The following LIPI variants were observed in gnomAD, a reference collection of about 807,000 sequenced individuals.
LIPI encodes lipase member I.
In LIPI, 59 loss-of-function variants were observed where a neutral mutation model predicts 50.6. The observed-to-expected ratio is 1.16, with a 90% CI of 0.94 to 1.45. LIPI has a LOEUF of 1.45. Ranked by LOEUF, LIPI falls within the 40% of genes most tolerant of loss-of-function variation. The pLI, the probability that LIPI is intolerant of heterozygous loss-of-function variation, is 0.00. For synonymous variants in LIPI, 203 were observed against 178.2 expected (o/e 1.14, Z -1.11); for missense variants, 586 against 536.3 (o/e 1.09, Z -0.92).
chr21:14,201,407 A>G (rs1378170837), intron 1 of LIPI, among the ~76,000 whole-genome samples: 1 of 152,098 alleles, frequency 6.6e-6, no homozygotes, highest in Non-Finnish European at 1.5e-5. Context: ...AGGAACTTAA[A>G]CAAATTTACA....
chr21:14,198,372 C>G (rs1177946139), intron 1 of LIPI, among the ~76,000 whole-genome samples: 1 of 152,058 alleles, frequency 6.6e-6, no homozygotes, highest in Non-Finnish European at 1.5e-5. Context: ...CTTCAAAAGA[C>G]CCATCTCACA....
chr21:14,144,975 C>A (rs1025029523), intron 8 of LIPI, among the ~76,000 whole-genome samples, 176 bp from the exon 9 acceptor site: 1 of 151,798 alleles, frequency 6.6e-6, no homozygotes, highest in African/African-American at 2.4e-5. Context: ...TATAACAGAA[C>A]AAAATAATAA....
chr21:14,165,092 T>C (rs549992452), intron 6 of LIPI, 131 bp downstream of exon 6: 3 of 689,072 alleles, frequency 4.4e-6, no homozygotes, highest in East Asian at 2.7e-5. Context: ...TCTCTACAGA[T>C]GATTTTTCCA....
intron 4 of LIPI, among the ~76,000 whole-genome samples, chr21:14,174,832 G>A (rs964005002): frequency 2.0e-5 from 3 of 152,100 alleles, no homozygotes; most frequent in South Asian, 2.1e-4. Context: ...GATTACAGGC[G>A]TGAGCCACCG....
Position 14,135,881 on chromosome 21 carries a change from G to A in LIPI, c.1295+8742C>T, listed in dbSNP as rs553305370. Among the ~76,000 whole-genome samples, 3 of 152,102 alleles carry A rather than the reference G, an allele frequency of 2.0e-5. No homozygotes were observed. In the East Asian group the frequency reaches 5.8e-4, roughly 29 times the overall value. ...TCCCTAACCTCAGGCTGCACAACTCGTGGCTCCAAAAAAAGACCCCTTCTT... is the reference window on the plus strand; with the variant it reads ...TCCCTAACCTCAGGCTGCACAACTCATGGCTCCAAAAAAAGACCCCTTCTT... On this transcript the variant is annotated intron_variant, in intron 9 of 9. Coordinates refer to ENST00000681601, the MANE Select transcript of LIPI (RefSeq NM_001302998.2).
intron 9 of LIPI, among the ~76,000 whole-genome samples, chr21:14,142,694 C>T (rs1448097416): frequency 3.3e-5 from 5 of 151,352 alleles, no homozygotes; most frequent in Non-Finnish European, 5.9e-5. Flanking sequence ...TTGTTGCCCA[C>T]GCTGGTCTCA....
In LIPI at chr21:14,189,385, TA is replaced by T. The variant is rs1568878305; in HGVS notation, c.80del (p.Leu27GlnfsTer3). 2.5e-6 allele frequency: 4 copies of T among 1,612,802 alleles called. No individual in the cohort carries two copies. Among genetic ancestry groups the T allele is most frequent in the Non-Finnish European group, 3.4e-6 (4 of 1,178,896 alleles). ...NKRPCLEFSQ[L>X]SVKDSFRDLF... ...AATCTCTGAAGGAATCCTTTACACT[TA>T]GCTGAGAGAATTCAAGGCATGGTCT... On this transcript the variant is annotated frameshift_variant, in exon 2 of 10. Transcript: ENST00000681601. LOFTEE classifies it high-confidence loss of function.
chr21:14,190,894 A>C (rs1370967877), intron 1 of LIPI, among the ~76,000 whole-genome samples: 1 of 152,192 alleles, frequency 6.6e-6, no homozygotes, highest in African/African-American at 2.4e-5. Flanking sequence ...CTCCAAGCTA[A>C]AGTCAATTTT....
At chr21:14,144,397 TTGTG>T (rs1054748673) in intron 9 of LIPI, 9 of 374,294 alleles carry the variant, frequency 2.4e-5, no homozygotes, top group South Asian at 5.1e-5. Context: ...TGTGAAATGA[TTGTG>T]TGTATTTTTT....
At chr21:14,165,125 G>T in intron 6 of LIPI, 98 bp downstream of exon 6, 1 of 907,318 alleles carries the variant, frequency 1.1e-6, no homozygotes, top group Non-Finnish European at 1.8e-6. Flanking sequence ...GTATTAACAA[G>T]TAAACAGAGT....
chr21:14,167,107 T>A (rs901180749), intron 4 of LIPI, among the ~76,000 whole-genome samples: 10 of 152,152 alleles, frequency 6.6e-5, no homozygotes, highest in African/African-American at 2.4e-4. Context: ...GTCTCACTGA[T>A]GGCTAGCACA....
chr21:14,172,433 A>G (rs2018947459), intron 4 of LIPI, among the ~76,000 whole-genome samples: 1 of 152,164 alleles, frequency 6.6e-6, no homozygotes, highest in Non-Finnish European at 1.5e-5. Flanking sequence ...TTATTGCAGC[A>G]CTATTCACAA....
chr21:14,159,014 C>G (rs1027860271), intron 7 of LIPI, among the ~76,000 whole-genome samples: 8 of 151,494 alleles, frequency 5.3e-5, no homozygotes, highest in Admixed American at 4.6e-4. Flanking sequence ...CCAAAAAAGT[C>G]TCCAGACCCA....
chr21:14,159,448 C>T (rs1203706756), intron 7 of LIPI, among the ~76,000 whole-genome samples: 2 of 151,402 alleles, frequency 1.3e-5, no homozygotes, highest in Middle Eastern at 3.4e-3. Context: ...AAATCCAACA[C>T]ATATTTATGA....
At chr21:14,121,033 G>A (rs980571660) in intron 9 of LIPI, among the ~76,000 whole-genome samples, 3 of 152,304 alleles carry the variant, frequency 2.0e-5, no homozygotes, top group Non-Finnish European at 4.4e-5. Context: ...GCCTCAGGCT[G>A]GAGGCTGTCA....
intron 3 of LIPI, among the ~76,000 whole-genome samples, chr21:14,182,723 C>A (rs967642772): frequency 6.7e-6 from 1 of 150,346 alleles, no homozygotes; most frequent in Non-Finnish European, 1.5e-5. Context: ...AGGATACAAA[C>A]AAATGGCATT....
At chr21:14,164,700 A>G (rs2018613745) in intron 6 of LIPI, among the ~76,000 whole-genome samples, 2 of 152,076 alleles carry the variant, frequency 1.3e-5, no homozygotes, top group African/African-American at 4.8e-5. Flanking sequence ...ATAATTCCCT[A>G]TTGGCAGGTT....
chr21:14,114,614 A>T (rs1226361027), intron 9 of LIPI, among the ~76,000 whole-genome samples: 5 of 152,176 alleles, frequency 3.3e-5, no homozygotes, highest in African/African-American at 4.8e-5. Flanking sequence ...CATGTAGGGA[A>T]GAGCCATGAC....
intron 9 of LIPI, among the ~76,000 whole-genome samples, chr21:14,132,004 T>C (rs2017313950): frequency 6.6e-6 from 1 of 152,132 alleles, no homozygotes; most frequent in African/African-American, 2.4e-5. Context: ...TTTTTAAAAA[T>C]AATCCAGTCG....
Sources: gnomAD v4.1 joint callset for allele counts (sites outside exome capture counted in the v4.1 genomes callset) on GRCh38, gnomAD v4.1.1 for gene constraint, MANE v1.5 for transcripts, NCBI Gene and HGNC (gene_info 2026-07-23, HGNC 2026-07-21) for gene names.